The following RNF182 variants were observed in gnomAD, a reference collection of about 807,000 sequenced individuals.
RNF182 encodes the protein E3 ubiquitin-protein ligase RNF182.
In RNF182, 15 loss-of-function variants were observed where a neutral mutation model predicts 14.4. The ratio of observed to expected loss-of-function variants is 1.04; its 90% confidence interval spans 0.70 to 1.60. The LOEUF (loss-of-function observed/expected upper bound fraction) is 1.60. RNF182 is among the 40% of genes most tolerant of loss of function. The probability of loss-of-function intolerance (pLI) is 0.00; values close to 1 mark genes in which losing one functional copy is unlikely to be tolerated. For synonymous variants in RNF182, 128 were observed against 122.9 expected, an observed-to-expected ratio of 1.04 and a Z score of -0.27; for missense variants, 268 against 294.8, an observed-to-expected ratio of 0.91 and a Z score of 0.67.
intron 1 of RNF182, among the ~76,000 whole-genome samples, chr6:13,956,548 C>T (rs1020789429): frequency 3.3e-5 from 5 of 152,192 alleles, no homozygotes; most frequent in African/African-American, 1.2e-4. Flanking sequence ...TGGTCTCAAA[C>T]TCCTGACCTC....
chr6:13,977,883 A>G lies in RNF182; in HGVS notation c.*20A>G, dbSNP rs950177057. 1.9e-6 allele frequency: 3 copies of G among 1,592,318 alleles called. No homozygotes were observed. Among genetic ancestry groups the G allele is most frequent in the Non-Finnish European group, 2.6e-6 (3 of 1,168,714 alleles). On this transcript the variant is annotated 3_prime_UTR_variant, in exon 3 of 3. Transcript: ENST00000488300. ...TCTTAACTGATATGCAAAATAAGAA[A>G]TTGGACACACATTGCCCTGTTTGAG...
At chr6:13,951,901 A>G (rs945124692) in intron 1 of RNF182, among the ~76,000 whole-genome samples, 1 of 152,200 alleles carries the variant, frequency 6.6e-6, no homozygotes. Context: ...TACACATGAC[A>G]AACTTAGATA....
At chr6:13,942,551 A>C (rs1759325154) in intron 1 of RNF182, among the ~76,000 whole-genome samples, 1 of 152,110 alleles carries the variant, frequency 6.6e-6, no homozygotes, top group Non-Finnish European at 1.5e-5. Flanking sequence ...CATTTTGGCC[A>C]GACTGATCTC....
At chr6:13,952,425 C>A (rs1008099973) in intron 1 of RNF182, among the ~76,000 whole-genome samples, 16 of 152,172 alleles carry the variant, frequency 1.1e-4, no homozygotes, top group Admixed American at 2.6e-4. Flanking sequence ...GTGTCAAATC[C>A]ATTTTTGACC....
chr6:13,943,258 C>T (rs149355420), intron 1 of RNF182, among the ~76,000 whole-genome samples: 39 of 151,414 alleles, frequency 2.6e-4, no homozygotes, highest in African/African-American at 8.0e-4. Context: ...GGTGTTATTA[C>T]CATGTGCATA....
intron 1 of RNF182, among the ~76,000 whole-genome samples, chr6:13,955,830 A>T (rs1759714310): frequency 6.6e-6 from 1 of 152,066 alleles, no homozygotes; most frequent in South Asian, 2.1e-4. Context: ...AGGTGGGAGG[A>T]TTGCTTGAGG....
At chr6:13,926,791 G>T (rs928360894) in intron 1 of RNF182, among the ~76,000 whole-genome samples, 1,492 of 148,230 alleles carry the variant, frequency 0.01, 28 homozygotes, top group African/African-American at 0.035. Flanking sequence ...GTGTGTGTGT[G>T]TTTTTTTTTT....
intron 1 of RNF182, among the ~76,000 whole-genome samples, chr6:13,954,670 G>A (rs1759684594): frequency 6.6e-6 from 1 of 152,108 alleles, no homozygotes; most frequent in Admixed American, 6.5e-5. Flanking sequence ...GAAAGATTGG[G>A]CATCCTTGGT....
chr6:13,960,353 C>A (rs1759836588), intron 1 of RNF182, among the ~76,000 whole-genome samples: 1 of 151,992 alleles, frequency 6.6e-6, no homozygotes, highest in African/African-American at 2.4e-5. Context: ...GAATTAAAAC[C>A]TAACTTGGCC....
intron 1 of RNF182, among the ~76,000 whole-genome samples, chr6:13,944,577 A>C (rs1284465211): frequency 6.6e-6 from 1 of 152,222 alleles, no homozygotes; most frequent in African/African-American, 2.4e-5. Context: ...TTATGCATGG[A>C]AATTCAGGAT....
chr6:13,978,117 G>C lies in RNF182; in HGVS notation c.*254G>C, dbSNP rs1760390497. 2.4e-6 allele frequency: 1 copy of C among 421,512 alleles called. No homozygotes were observed. The highest frequency in any genetic ancestry group is 4.4e-6 in the Non-Finnish European group (1 of 226,806). The allele number at this position is 421,512 out of a possible 1,614,324, so 26.1% of individuals were successfully genotyped here. On this transcript the variant is annotated 3_prime_UTR_variant, in exon 3 of 3. Coordinates refer to ENST00000488300, the MANE Select transcript of RNF182 (RefSeq NM_152737.4). ...ACAGCAGTGAGTCTTCCCAGAGAAAGGACAGGGTTTCTCTCAGCACTGCCA... is the reference window on the plus strand; with the variant it reads ...ACAGCAGTGAGTCTTCCCAGAGAAACGACAGGGTTTCTCTCAGCACTGCCA...
intron 1 of RNF182, among the ~76,000 whole-genome samples, chr6:13,968,553 T>C (rs1760094397): frequency 6.6e-6 from 1 of 152,204 alleles, no homozygotes; most frequent in Admixed American, 6.5e-5. Flanking sequence ...GTTTCACTTA[T>C]AAAATAAGCA....
chr6:13,964,286 AAGG>A (rs948710525), intron 1 of RNF182, among the ~76,000 whole-genome samples: 2 of 152,186 alleles, frequency 1.3e-5, no homozygotes, highest in Admixed American at 6.5e-5. Context: ...AATATGCAAA[AAGG>A]AGAATTCTAA....
Position 13,977,217 on chromosome 6 carries a change from A to G in RNF182, c.98A>G (p.Lys33Arg), listed in dbSNP as rs745372778. The change falls in exon 3 of 3, where the codon AAA becomes AGA. Residue 33 changes from lysine to arginine, a missense_variant. Physicochemically the swap from Lys to Arg is conservative, Grantham distance 26. Transcript: ENST00000488300. ...CYNRYNLKQR[K>R]PKVLECCHRV... Reference sequence around the variant, plus strand: ...AATCGATACAATCTGAAACAGAGGAAACCCAAAGTGCTGGAGTGTTGTCAT... The same window carrying G: ...AATCGATACAATCTGAAACAGAGGAGACCCAAAGTGCTGGAGTGTTGTCAT... 2 of 1,614,220 alleles carry G rather than the reference A, an allele frequency of 1.2e-6. No homozygotes were observed. The highest frequency in any genetic ancestry group is 1.7e-6 in the Non-Finnish European group (2 of 1,180,032).
chr6:13,965,947 T>G (rs1236911227), intron 1 of RNF182, among the ~76,000 whole-genome samples: 2 of 152,216 alleles, frequency 1.3e-5, no homozygotes, highest in Non-Finnish European at 2.9e-5. Flanking sequence ...CTCAAGGATC[T>G]GGTGTGGTGA....
chr6:13,958,229 T>TA (rs1283557681), intron 1 of RNF182, among the ~76,000 whole-genome samples: 1 of 151,984 alleles, frequency 6.6e-6, no homozygotes, highest in African/African-American at 2.4e-5. Context: ...CTATTAAAAA[T>TA]ACAAAAGTTA....
At chr6:13,967,141 G>A (rs1760053592) in intron 1 of RNF182, among the ~76,000 whole-genome samples, 1 of 152,074 alleles carries the variant, frequency 6.6e-6, no homozygotes, top group South Asian at 2.1e-4. Flanking sequence ...TCTGGCAGCT[G>A]TTTATAAGAA....
intron 1 of RNF182, among the ~76,000 whole-genome samples, chr6:13,968,058 A>G (rs402711): frequency 0.4 from 60,916 of 152,086 alleles, 13,488 homozygotes; most frequent in Middle Eastern, 0.51. Context: ...TGGGAAAAAA[A>G]TCATAACAAA....
chr6:13,973,884 G>A (rs913101584), intron 1 of RNF182, among the ~76,000 whole-genome samples: 1 of 152,136 alleles, frequency 6.6e-6, no homozygotes, highest in East Asian at 1.9e-4. Flanking sequence ...GTTCTGCCTG[G>A]TTTGTGAACT....
Sources: allele counts gnomAD v4.1 joint callset (sites outside exome capture counted in the v4.1 genomes callset), GRCh38; gene constraint gnomAD v4.1.1; transcripts MANE v1.5; gene names NCBI Gene and HGNC (gene_info 2026-07-23, HGNC 2026-07-21).